TMEM120B: variants seen among roughly 807,000 people sequenced by gnomAD.
The protein encoded by TMEM120B is transmembrane protein 120B.
Under a neutral mutation model 55.5 loss-of-function variants are expected in TMEM120B, and 31 were observed. The ratio of observed to expected loss-of-function variants is 0.56; its 90% CI spans 0.42 to 0.75. The LOEUF (loss-of-function observed/expected upper bound fraction) is 0.75, where lower values mean the gene tolerates loss of function less well. TMEM120B is among the 30% of genes least tolerant of loss of function. The pLI, the probability that TMEM120B is intolerant of heterozygous loss-of-function variation, is 0.00. For synonymous variants in TMEM120B, 203 were observed against 176.3 expected, an observed-to-expected ratio of 1.15 and a Z score of -1.20; for missense variants, 399 against 425.5, an observed-to-expected ratio of 0.94 and a Z score of 0.55.
intron 3 of TMEM120B, among the ~76,000 whole-genome samples, chr12:121,749,624 C>T (rs79803581): frequency 0.017 from 2,644 of 152,056 alleles, 92 homozygotes; most frequent in African/African-American, 0.061. Flanking sequence ...ACTGCAGTGA[C>T]GCTGGGCACA....
chr12:121,751,384 A>G (rs1338246272), intron 4 of TMEM120B, among the ~76,000 whole-genome samples: 1 of 10,564 alleles, frequency 9.5e-5, no homozygotes. Flanking sequence ...CCCACACCCC[A>G]TATTCACATC....
At chr12:121,735,004 C>G (rs1001192346) in intron 1 of TMEM120B, among the ~76,000 whole-genome samples, 1 of 151,348 alleles carries the variant, frequency 6.6e-6, no homozygotes, top group Non-Finnish European at 1.5e-5. Flanking sequence ...ATGGGTTAGC[C>G]CTGCTCTTCA....
chr12:121,755,678 G>T (rs919537048), intron 5 of TMEM120B, among the ~76,000 whole-genome samples: 8 of 152,144 alleles, frequency 5.3e-5, no homozygotes, highest in African/African-American at 9.7e-5. Flanking sequence ...GATCCCAGGA[G>T]ACACTGGTAG....
rs61751318 is a variant in TMEM120B at position 121,779,601 on chromosome 12, C to G, written c.*3879C>G. The G allele has an allele frequency of 3.7e-6, 6 of 1,614,224 alleles. No homozygotes were observed. The highest frequency in any genetic ancestry group is 5.1e-6 in the Non-Finnish European group (6 of 1,180,042). ...CCGGAAGACGTCCTCCACATTCTCC[C>G]GAAACTTGGCGGAACATTCCAGGTA... On this transcript the variant is annotated 3_prime_UTR_variant, in exon 12 of 12. Transcript: ENST00000449592.
intron 1 of TMEM120B, among the ~76,000 whole-genome samples, chr12:121,739,765 C>T (rs765701278): frequency 6.6e-6 from 1 of 151,550 alleles, no homozygotes; most frequent in East Asian, 1.9e-4. Context: ...AACCACCCAG[C>T]CTGGCCGGAA....
chr12:121,736,839 C>T (rs1472059922), intron 1 of TMEM120B, among the ~76,000 whole-genome samples: 2 of 152,172 alleles, frequency 1.3e-5, no homozygotes, highest in Non-Finnish European at 2.9e-5. Context: ...GCCACTGCAC[C>T]TGGCCTGGAC....
intron 10 of TMEM120B, 89 bp downstream of exon 10, chr12:121,774,811 C>T (rs1217323308): frequency 2.7e-6 from 4 of 1,463,034 alleles, no homozygotes; most frequent in Middle Eastern, 1.7e-4. Flanking sequence ...CTTCTCCATC[C>T]GTCCCCATGC....
chr12:121,735,193 A>AC (rs1895084188), intron 1 of TMEM120B, among the ~76,000 whole-genome samples: 1 of 150,718 alleles, frequency 6.6e-6, no homozygotes, highest in Non-Finnish European at 1.5e-5. Flanking sequence ...CTCAAAAAAA[A>AC]AAAAAAACAA....
At chr12:121,747,311 A>T (rs1228136632) in intron 2 of TMEM120B, among the ~76,000 whole-genome samples, 97 of 2,444 alleles carry the variant, frequency 0.04, 3 homozygotes, top group South Asian at 0.091. Flanking sequence ...GGCGGGAGGC[A>T]CTGGGGTAGA....
At chr12:121,743,321 C>T (rs1184474404) in intron 1 of TMEM120B, among the ~76,000 whole-genome samples, 4 of 151,550 alleles carry the variant, frequency 2.6e-5, no homozygotes, top group South Asian at 2.1e-4. Context: ...CAGGCCGAAG[C>T]GGGCAGGTCA....
chr12:121,751,026 C>CA, intron 4 of TMEM120B, among the ~76,000 whole-genome samples: 1 of 127,062 alleles, frequency 7.9e-6, no homozygotes, highest in Non-Finnish European at 1.7e-5. Context: ...CACCCAACAC[C>CA]CACACCCCAA....
chr12:121,751,943 C>T (rs1873343125), intron 4 of TMEM120B, among the ~76,000 whole-genome samples, 185 bp from the exon 5 acceptor site: 1 of 152,208 alleles, frequency 6.6e-6, no homozygotes, highest in Non-Finnish European at 1.5e-5. Context: ...GCATACTTGG[C>T]CCTCTTCCCC....
At chr12:121,726,168 C>G (rs1894886905) in intron 1 of TMEM120B, among the ~76,000 whole-genome samples, 1 of 151,928 alleles carries the variant, frequency 6.6e-6, no homozygotes, top group Non-Finnish European at 1.5e-5. Context: ...ATAGAAGGTT[C>G]TAACACGAGA....
At chr12:121,751,077 CACACCCCACACCT>C (rs1873300543) in intron 4 of TMEM120B, among the ~76,000 whole-genome samples, 3 of 131,570 alleles carry the variant, frequency 2.3e-5, no homozygotes, top group South Asian at 2.6e-4. Context: ...ACTCCACACT[CACACCCCACACCT>C]ACACCCCACA....
In TMEM120B at chr12:121,777,303, T is replaced by A. The variant is rs1874277888; in HGVS notation, c.*1581T>A. On this transcript the variant is annotated 3_prime_UTR_variant, in exon 12 of 12. Transcript: ENST00000449592. ...ACTTTTTAATACTTTTTAGTAGAGA[T>A]GGGGTCTCACTATGTTGCCCAGGCT... The A allele has an allele frequency of 6.6e-6, 1 of 151,772 alleles. No homozygotes were observed. The highest frequency in any genetic ancestry group is 6.6e-5 in the Admixed American group (1 of 15,222). The allele number at this position is 151,772 out of a possible 1,614,324, so 9.4% of individuals were successfully genotyped here.
At position 121,752,195 on chromosome 12, in the gene TMEM120B, G is replaced by A. The variant is rs759084901; in HGVS notation, c.433G>A (p.Val145Met). 3.6e-5 allele frequency: 58 copies of A among 1,613,648 alleles called. 1 individual carries two copies. In the South Asian group the frequency reaches 5.4e-4, roughly 15 times the overall value. The change falls in exon 5 of 12, where the codon GTG becomes ATG. Residue 145 changes from valine (V) to methionine (M), a missense_variant. Val to Met is a conservative substitution (Grantham distance 21). This residue lies in a region of TMEM120B where 260 missense variants were observed against 303.9 expected (regional missense o/e 0.86). Transcript: ENST00000449592. Reference sequence around the variant, plus strand: ...GACCATCATCCTGCTCCTGGGTGCCGTGGCATGTCGATTTGTCCTTCACTA... The same window carrying A: ...GACCATCATCCTGCTCCTGGGTGCCATGGCATGTCGATTTGTCCTTCACTA... ...YLTIILLLGA[V>M]ACRFVLHYRV...
intron 3 of TMEM120B, among the ~76,000 whole-genome samples, 200 bp downstream of exon 3, chr12:121,748,642 G>T (rs1466952344): frequency 6.6e-6 from 1 of 152,092 alleles, no homozygotes; most frequent in African/African-American, 2.4e-5. Flanking sequence ...TGTGACAGCA[G>T]CATTCCTGGG....
chr12:121,742,669 T>C (rs1872966666), intron 1 of TMEM120B, among the ~76,000 whole-genome samples: 2 of 150,548 alleles, frequency 1.3e-5, no homozygotes, highest in Admixed American at 6.6e-5. Flanking sequence ...CACTGCAACC[T>C]CCGCCCCCTG....
At chr12:121,768,839 A>G (rs545877957) in intron 6 of TMEM120B, among the ~76,000 whole-genome samples, 6 of 152,238 alleles carry the variant, frequency 3.9e-5, no homozygotes, top group African/African-American at 1.2e-4. Flanking sequence ...GCTCTACCCA[A>G]CTGTGGATCA....
Sources: allele counts gnomAD v4.1 joint callset (sites outside exome capture counted in the v4.1 genomes callset), GRCh38; gene constraint gnomAD v4.1.1; regional missense constraint gnomAD v4.1.1; transcripts MANE v1.5; gene names NCBI Gene and HGNC (gene_info 2026-07-23, HGNC 2026-07-21).